Variants in LTN1 observed in about 807,000 individuals in gnomAD.
The protein encoded by LTN1 is E3 ubiquitin-protein ligase listerin.
In LTN1, 88 loss-of-function variants were observed where a neutral mutation model predicts 201.2. The ratio of observed to expected loss-of-function variants is 0.44; its 90% CI spans 0.37 to 0.52. The LOEUF is 0.52. Ranked by LOEUF, LTN1 falls within the 20% of genes least tolerant of loss-of-function variation. The pLI, the probability that LTN1 is intolerant of heterozygous loss-of-function variation, is 0.00. For synonymous variants in LTN1, 645 were observed against 713.5 expected, an observed-to-expected ratio of 0.90 and a Z score of 1.53; for missense variants, 1,752 against 2,038.7, an observed-to-expected ratio of 0.86 and a Z score of 2.71.
In LTN1 at chr21:28,941,306, G is replaced by A; in HGVS notation, c.4396C>T (p.Pro1466Ser). Residue 1466 changes from proline (P) to serine (S), a missense_variant, in exon 25 of 30, where the codon CCA becomes TCA. Pro to Ser is a moderately conservative substitution (Grantham distance 74). Around this residue, in one of 3 missense-constraint regions of LTN1, gnomAD observed 1,211 missense variants for 1,312.8 expected, o/e 0.92. Transcript: ENST00000361371. Reference sequence around the variant, plus strand: ...ACATAACAGAAGTCTTCACTCAGTGGTTTAATAGTAACTATCTGTCCAACA... The same window carrying A: ...ACATAACAGAAGTCTTCACTCAGTGATTTAATAGTAACTATCTGTCCAACA... ...IPVGQIVTIK[P>S]LSEDFCYVLG... 2.5e-6 allele frequency: 4 copies of A among 1,612,886 alleles called. No homozygotes were observed. Among genetic ancestry groups the A allele is most frequent in the Non-Finnish European group, 3.4e-6 (4 of 1,179,050 alleles).
Position 28,943,279 on chromosome 21 carries a change from T to A in LTN1, c.4278A>T (p.Glu1426Asp). 1 of 1,600,832 alleles carries A rather than the reference T, an allele frequency of 6.2e-7. No individual in the cohort carries two copies. The highest frequency in any genetic ancestry group is 8.5e-7 in the Non-Finnish European group (1 of 1,170,772). ...AACCTTACAAGGCTGGCTCTTCTTCTTCATCTCCGTATGACTTTAGATTAT... is the reference window on the plus strand; with the variant it reads ...AACCTTACAAGGCTGGCTCTTCTTCATCATCTCCGTATGACTTTAGATTAT... The part of the protein sequence containing the change: ...DQDNLKSYGD[E>D]EEEPALSPPA... The change falls in exon 24 of 30, where the codon GAA becomes GAT. Residue 1426 changes from glutamate to aspartate, a missense_variant. Around this residue, in one of 3 missense-constraint regions of LTN1, gnomAD observed 1,211 missense variants for 1,312.8 expected, o/e 0.92. Coordinates refer to ENST00000361371, the MANE Select transcript of LTN1 (RefSeq NM_015565.3).
chr21:28,977,680 G>A (rs954692718), intron 6 of LTN1, among the ~76,000 whole-genome samples: 15 of 152,260 alleles, frequency 9.9e-5, no homozygotes, highest in African/African-American at 2.2e-4. Context: ...TTGAGATTGC[G>A]CCACTATACT....
chr21:28,965,823 C>T, intron 11 of LTN1, 42 bp downstream of exon 11: 2 of 1,109,596 alleles, frequency 1.8e-6, no homozygotes, highest in Non-Finnish European at 2.6e-6. Context: ...TTTCTATTCC[C>T]ATAAATACAA....
chr21:28,943,118 T>G (rs1168759562), intron 24 of LTN1, 144 bp downstream of exon 24: 2 of 508,502 alleles, frequency 3.9e-6, no homozygotes, highest in Non-Finnish European at 7.1e-6. Flanking sequence ...TATATTTCAT[T>G]TATATCTTAC....
chr21:28,952,525 G>T (rs1272588677), intron 17 of LTN1, among the ~76,000 whole-genome samples: 1 of 152,164 alleles, frequency 6.6e-6, no homozygotes, highest in African/African-American at 2.4e-5. Flanking sequence ...CCCAATAGGG[G>T]AGATGATCTT....
At chr21:28,966,116 A>G (rs1335580464) in intron 10 of LTN1, among the ~76,000 whole-genome samples, 1 of 152,222 alleles carries the variant, frequency 6.6e-6, no homozygotes, top group Non-Finnish European at 1.5e-5. Flanking sequence ...AACCAATACA[A>G]AACTAAAATG....
In LTN1 at chr21:28,960,618, C is replaced by A; in HGVS notation, c.2252G>T (p.Cys751Phe). ...GGATTCCAAGTCCTCATTACAAAGACAATCTGCCAAGTTGACCAATTTCTC... is the reference window on the plus strand; with the variant it reads ...GGATTCCAAGTCCTCATTACAAAGAAAATCTGCCAAGTTGACCAATTTCTC... ...LGEKLVNLAD[C>F]LCNEDLESRV... The change falls in exon 12 of 30, where the codon TGT becomes TTT. Residue 751 changes from cysteine (C) to phenylalanine (F), a missense_variant. Around this residue, in one of 3 missense-constraint regions of LTN1, gnomAD observed 1,211 missense variants for 1,312.8 expected, o/e 0.92. Coordinates refer to ENST00000361371, the MANE Select transcript of LTN1 (RefSeq NM_015565.3). 6.2e-7 allele frequency: 1 copy of A among 1,613,942 alleles called. No homozygotes were observed. The highest frequency in any genetic ancestry group is 8.5e-7 in the Non-Finnish European group (1 of 1,179,866).
intron 1 of LTN1, among the ~76,000 whole-genome samples, chr21:28,987,703 ACTG>A: frequency 6.6e-6 from 1 of 152,242 alleles, no homozygotes; most frequent in Non-Finnish European, 1.5e-5. Context: ...AAATATTTGA[ACTG>A]CTAAAAGAAA....
intron 6 of LTN1, among the ~76,000 whole-genome samples, chr21:28,978,948 T>C (rs2146311783): frequency 6.6e-6 from 1 of 152,324 alleles, no homozygotes; most frequent in South Asian, 2.1e-4. Context: ...GATGAAAAAT[T>C]AAGCAGCTGA....
chr21:28,953,177 A>C, intron 17 of LTN1, 40 bp downstream of exon 17: 2 of 1,479,674 alleles, frequency 1.4e-6, no homozygotes, highest in Non-Finnish European at 1.8e-6. Context: ...ATAAAGAAGT[A>C]GCATAGTCAT....
chr21:28,979,423 G>A (rs2084641316), intron 6 of LTN1, among the ~76,000 whole-genome samples: 1 of 152,200 alleles, frequency 6.6e-6, no homozygotes. Flanking sequence ...CAGGTTAAAT[G>A]AATAGGTAAT....
chr21:28,967,744 T>A (rs1026901455), intron 9 of LTN1: 1 of 152,416 alleles, frequency 6.6e-6, no homozygotes, highest in Non-Finnish European at 1.5e-5. Context: ...GATGTACAGC[T>A]GGTTGGTCAG....
Position 28,992,748 on chromosome 21 carries a change from G to C in LTN1, c.42+16C>G. The C allele has an allele frequency of 6.2e-7, 1 of 1,613,894 alleles. No homozygotes were observed. Among genetic ancestry groups the C allele is most frequent in the Non-Finnish European group, 8.5e-7 (1 of 1,179,928 alleles). On this transcript the variant is annotated intron_variant, in intron 1 of 29. Transcript: ENST00000361371. ...GAAGCGAGGCTCCCGGGTCGGCCGA[G>C]CCAGCCCCCGCTCACCCTCAGGTTC...
In LTN1 at chr21:28,953,301, T is replaced by C. The variant is rs745653928; in HGVS notation, c.3155A>G (p.Glu1052Gly). 1.2e-6 allele frequency: 2 copies of C among 1,609,092 alleles called. No individual in the cohort carries two copies. The highest frequency in any genetic ancestry group is 2.2e-5 in the South Asian group (2 of 90,148). The change falls in exon 17 of 30, where the codon GAA becomes GGA. Residue 1052 changes from glutamate (E) to glycine (G), a missense_variant. Physicochemically the swap from Glu to Gly is moderately conservative, Grantham distance 98. Coordinates refer to ENST00000361371, the MANE Select transcript of LTN1 (RefSeq NM_015565.3). ...NPPIFLIGFCEILQKMNITYD... is the reference protein window; with the variant it reads ...NPPIFLIGFCGILQKMNITYD... ...CGTAATATTCATTTTTTGAAGTATT[T>C]CACAAAATCCAATTAGAAAAATAGG...
chr21:28,935,202 C>G lies in LTN1; in HGVS notation c.4782G>C (p.Val1594=). The change falls in exon 27 of 30, where the codon GTG becomes GTC. Residue 1594 remains valine (V), a synonymous_variant. Transcript: ENST00000361371. The part of the protein sequence containing the change: ...NSSEKRVFNI[V]DRFTSKYVSS... ...TGACATACTTGCTTGTAAATCTATCCACAATATTGAAAACACGCTTCTCAC... is the reference window on the plus strand; with the variant it reads ...TGACATACTTGCTTGTAAATCTATCGACAATATTGAAAACACGCTTCTCAC... 6.2e-7 allele frequency: 1 copy of G among 1,613,480 alleles called. No homozygotes were observed. Among genetic ancestry groups the G allele is most frequent in the South Asian group, 1.1e-5 (1 of 91,062 alleles).
chr21:28,974,711 C>T (rs577823925), intron 6 of LTN1, among the ~76,000 whole-genome samples: 161 of 152,288 alleles, frequency 1.1e-3, no homozygotes, highest in African/African-American at 3.7e-3. Context: ...GAGAGGGCCA[C>T]AGAAAGGAAC....
chr21:28,944,212 G>A (rs1460805051), intron 22 of LTN1, among the ~76,000 whole-genome samples, 171 bp downstream of exon 22: 1 of 152,132 alleles, frequency 6.6e-6, no homozygotes, highest in Non-Finnish European at 1.5e-5. Flanking sequence ...TTCAATTTCT[G>A]TCTGTAAAGT....
rs1601174484 is a variant in LTN1, at chr21:28,947,911, T to C, written c.3345-305A>G. 2.7e-5 allele frequency among the ~76,000 whole-genome samples: 4 copies of C among 149,030 alleles called. No homozygotes were observed. In the South Asian group the frequency reaches 8.5e-4, roughly 32 times the overall value. On this transcript the variant is annotated intron_variant, in intron 18 of 29. Transcript: ENST00000361371. Reference sequence around the variant, plus strand: ...CTTTTAAAAAAAAAAAAGAGTCAATTGCGGGGTGCGGTGGCTAATGCCTGT... The same window carrying C: ...CTTTTAAAAAAAAAAAAGAGTCAATCGCGGGGTGCGGTGGCTAATGCCTGT...
chr21:28,987,813 G>A (rs1167785632), intron 1 of LTN1, among the ~76,000 whole-genome samples: 1 of 152,174 alleles, frequency 6.6e-6, no homozygotes, highest in Non-Finnish European at 1.5e-5. Context: ...TTCTCTATAA[G>A]GATGTTTGCC....
Sources: gnomAD v4.1 joint callset for allele counts (sites outside exome capture counted in the v4.1 genomes callset) on GRCh38, gnomAD v4.1.1 for gene constraint, gnomAD v4.1.1 regional missense constraint, MANE v1.5 for transcripts, NCBI Gene and HGNC (gene_info 2026-07-23, HGNC 2026-07-21) for gene names.